The following MYCBPAP variants were observed in gnomAD, a reference collection of about 807,000 sequenced individuals.
MYCBPAP encodes the protein MYCBP-associated protein.
In MYCBPAP, 60 loss-of-function variants were observed where a neutral mutation model predicts 106.1. That is an observed-to-expected ratio of 0.57 (90% confidence interval 0.46 to 0.70). MYCBPAP has a LOEUF of 0.70. MYCBPAP is among the 30% of genes least tolerant of loss of function. The probability of loss-of-function intolerance (pLI) is 0.00; values close to 1 mark genes in which losing one functional copy is unlikely to be tolerated. For synonymous variants in MYCBPAP, 407 were observed against 440.6 expected, an observed-to-expected ratio of 0.92 and a Z score of 0.95; for missense variants, 1,064 against 1,169.3, an observed-to-expected ratio of 0.91 and a Z score of 1.31.
chr17:50,511,336 T>C (rs2033840670), intron 1 of MYCBPAP, among the ~76,000 whole-genome samples: 1 of 152,060 alleles, frequency 6.6e-6, no homozygotes, highest in Non-Finnish European at 1.5e-5. Context: ...CCCACCGCTG[T>C]CTTGTTGCTA....
chr17:50,516,714 A>C lies in MYCBPAP; in HGVS notation c.204+17A>C. 1 of 1,613,262 alleles carries C rather than the reference A, an allele frequency of 6.2e-7. No individual in the cohort carries two copies. The highest frequency in any genetic ancestry group is 8.5e-7 in the Non-Finnish European group (1 of 1,179,626). On this transcript the variant is annotated intron_variant, in intron 2 of 18. Transcript: ENST00000323776. Reference sequence around the variant, plus strand: ...TTGAAGGAGGTGAGGATGAAGCCCAAGCTTCCCTTACCATAGAAACGTTTC... The same window carrying C: ...TTGAAGGAGGTGAGGATGAAGCCCACGCTTCCCTTACCATAGAAACGTTTC...
At chr17:50,514,155 T>C (rs1454054926) in intron 1 of MYCBPAP, among the ~76,000 whole-genome samples, 1 of 152,178 alleles carries the variant, frequency 6.6e-6, no homozygotes, top group Non-Finnish European at 1.5e-5. Flanking sequence ...TCTCAAAGTG[T>C]TGGGATTACA....
At chr17:50,508,344 G>GGGGGTCCTCGCC (rs1476614655), upstream of MYCBPAP, 1 of 482,322 alleles carries the variant, frequency 2.1e-6, no homozygotes, top group African/African-American at 2.1e-5. Flanking sequence ...CGCAACTCGC[G>GGGGGTCCTCGCC]GGGGTCCTCG....
At chr17:50,511,199 G>A (rs565502182) in intron 1 of MYCBPAP, among the ~76,000 whole-genome samples, 14 of 152,018 alleles carry the variant, frequency 9.2e-5, no homozygotes, top group Non-Finnish European at 2.1e-4. Context: ...AACCTTGTGC[G>A]ATGTTTCTCC....
In MYCBPAP at chr17:50,524,925, C is replaced by T; in HGVS notation, c.1684C>T (p.Gln562Ter). Reference protein sequence around the residue: ...EAVTVVREVLQELLMGVLTPE... With the variant: ...EAVTVVREVL ...AGTCACCGTCGTTCGCGAAGTGCTG[C>T]AGGAGCTGCTGATGGGGGTCTTGAC... Residue 562 changes from glutamine (Q) to a stop codon, truncating the protein, a stop_gained, in exon 13 of 19, where the codon CAG becomes TAG. Transcript: ENST00000323776. LOFTEE classifies it high-confidence loss of function. 1.9e-6 allele frequency: 3 copies of T among 1,614,070 alleles called. No homozygotes were observed. Among genetic ancestry groups the T allele is most frequent in the South Asian group, 2.2e-5 (2 of 91,092 alleles).
In MYCBPAP at chr17:50,508,554, C is replaced by T. The variant is rs975224038; in HGVS notation, c.-121C>T. 1.6e-5 allele frequency: 24 copies of T among 1,543,902 alleles called. No homozygotes were observed. The highest frequency in any genetic ancestry group is 2.0e-5 in the Non-Finnish European group (23 of 1,145,114). ...CCCAAGTTGATCGGTGGATGCGCGC[C>T]CCCGCGCGGGGCACCGGTTGCTGTG... On this transcript the variant is annotated 5_prime_UTR_variant, in exon 1 of 19. Coordinates refer to ENST00000323776, the MANE Select transcript of MYCBPAP (RefSeq NM_032133.6).
chr17:50,528,299 C>G, intron 16 of MYCBPAP, 29 bp downstream of exon 16: 1 of 1,524,384 alleles, frequency 6.6e-7, no homozygotes, highest in East Asian at 2.3e-5. Context: ...AACCACACCT[C>G]TGCATAGCCC....
In MYCBPAP at chr17:50,521,376, G is replaced by A; in HGVS notation, c.1093G>A (p.Asp365Asn). Residue 365 changes from aspartate (D) to asparagine (N), a missense_variant, in exon 9 of 19, where the codon GAC (aspartate) becomes AAC (asparagine). Asp to Asn is a conservative substitution (Grantham distance 23). Transcript: ENST00000323776. ...GCCCTTCTCGGCTGTTACTGTGGAAGACTACACAGTGTTTGAAAGAAGTCA... is the reference window on the plus strand; with the variant it reads ...GCCCTTCTCGGCTGTTACTGTGGAAAACTACACAGTGTTTGAAAGAAGTCA... ...GWPFSAVTVE[D>N]YTVFERSQGS... 4 of 1,605,926 alleles carry A rather than the reference G, an allele frequency of 2.5e-6. No homozygotes were observed. Among genetic ancestry groups the A allele is most frequent in the Non-Finnish European group, 3.4e-6 (4 of 1,175,818 alleles).
Position 50,517,423 on chromosome 17 carries a change from A to T in MYCBPAP, c.335A>T (p.Asp112Val), listed in dbSNP as rs149804358. 208 of 1,614,180 alleles carry T rather than the reference A, an allele frequency of 1.3e-4. 2 individuals are homozygous for T. The African/African-American group carries it at 2.6e-3, about 20-fold the overall frequency. ...CTTGTAGCACGTCCTGCGAATCCTGATGAAGCCACAAAGCCTCTGGACTAC... is the reference window on the plus strand; with the variant it reads ...CTTGTAGCACGTCCTGCGAATCCTGTTGAAGCCACAAAGCCTCTGGACTAC... The part of the protein sequence containing the change: ...CHLVARPANP[D>V]EATKPLDYSG... Residue 112 changes from aspartate (D) to valine (V), a missense_variant, in exon 3 of 19, where the codon GAT becomes GTT. Physicochemically the swap from Asp to Val is radical, Grantham distance 152 (BLOSUM62 -3). Coordinates refer to ENST00000323776, the MANE Select transcript of MYCBPAP (RefSeq NM_032133.6).
chr17:50,522,844 T>C, intron 10 of MYCBPAP, 95 bp from the exon 11 acceptor site: 1 of 1,284,638 alleles, frequency 7.8e-7, no homozygotes, highest in African/African-American at 1.5e-5. Context: ...AGACTTGCAG[T>C]GCTAAAGCCA....
Position 50,528,823 on chromosome 17 carries a change from A to C in MYCBPAP, c.2536A>C (p.Lys846Gln). The C allele has an allele frequency of 6.2e-7, 1 of 1,613,750 alleles. No homozygotes were observed. The highest frequency in any genetic ancestry group is 8.5e-7 in the Non-Finnish European group (1 of 1,180,026). Residue 846 changes from lysine to glutamine, a missense_variant, in exon 17 of 19, where the codon AAG becomes CAG. Physicochemically the swap from Lys to Gln is moderately conservative, Grantham distance 53 (BLOSUM62 1). Coordinates refer to ENST00000323776, the MANE Select transcript of MYCBPAP (RefSeq NM_032133.6). ...AGACAAAGAAGACAAGAAAGGAGCC[A>C]AGCTGCTCGGGAAAGAGGCATGCTG... ...IKDKEDKKGA[K>Q]LLGKEDRPNS...
At chr17:50,513,218 CAA>C (rs1190873215) in intron 1 of MYCBPAP, among the ~76,000 whole-genome samples, 127 of 62,694 alleles carry the variant, frequency 2.0e-3, no homozygotes, top group African/African-American at 7.0e-3. Context: ...AACTCCATCT[CAA>C]AAAAAAAAAA....
chr17:50,513,958 C>T (rs2033950996), intron 1 of MYCBPAP, among the ~76,000 whole-genome samples: 1 of 152,210 alleles, frequency 6.6e-6, no homozygotes, highest in Non-Finnish European at 1.5e-5. Flanking sequence ...TGCACAGAGC[C>T]ATGCATTTAA....
Position 50,527,295 on chromosome 17 carries a change from G to A in MYCBPAP, c.2178G>A (p.Met726Ile). Residue 726 changes from methionine to isoleucine, a missense_variant, in exon 15 of 19, where the codon ATG (methionine) becomes ATA (isoleucine). By Grantham distance (10) the Met-to-Ile change is conservative (BLOSUM62 1). Coordinates refer to ENST00000323776, the MANE Select transcript of MYCBPAP (RefSeq NM_032133.6). ...GCCCATGACCCTGCCAGGCAGTGATGGTGCTCCCTGATGAGAACCACAGAG... is the reference window on the plus strand; with the variant it reads ...GCCCATGACCCTGCCAGGCAGTGATAGTGCTCCCTGATGAGAACCACAGAG... ...LCLEDFRKAV[M>I]VLPDENHRED... 6.2e-7 allele frequency: 1 copy of A among 1,614,036 alleles called. No individual in the cohort carries two copies. The highest frequency in any genetic ancestry group is 8.5e-7 in the Non-Finnish European group (1 of 1,179,974).
chr17:50,508,960 T>C (rs888781410), intron 1 of MYCBPAP: 1 of 705,290 alleles, frequency 1.4e-6, no homozygotes, highest in East Asian at 2.7e-5. Context: ...GATGGGGACA[T>C]AGGAAGTGGG....
intron 1 of MYCBPAP, chr17:50,510,513 A>ATATATATATATATG: frequency 8.6e-6 from 1 of 115,966 alleles, no homozygotes; most frequent in Non-Finnish European, 1.7e-5. Context: ...ATATATATAT[A>ATATATATATATATG]TATATATATA....
intron 15 of MYCBPAP, among the ~76,000 whole-genome samples, chr17:50,527,697 C>G (rs898450): frequency 0.72 from 109,919 of 152,080 alleles, 40,108 homozygotes; most frequent in East Asian, 0.87. Context: ...AGGAAGAAGA[C>G]GGGGGGCAGA....
At position 50,523,104 on chromosome 17, in the gene MYCBPAP, C is replaced by T. The variant is rs2034336456; in HGVS notation, c.1423C>T (p.Arg475Ter). The change falls in exon 11 of 19, where the codon CGA becomes TGA. Residue 475 changes from arginine to a stop codon, truncating the protein, a stop_gained. Transcript: ENST00000323776. LOFTEE classifies it high-confidence loss of function. ...FQDLKKNRMQ[R>*]FYFDNREGVI... ...AGACCTTAAGAAAAACAGGATGCAG[C>T]GATTTTACTTTGACAACCGGGAAGG... 1.2e-6 allele frequency: 2 copies of T among 1,613,800 alleles called. No homozygotes were observed. The highest frequency in any genetic ancestry group is 1.1e-5 in the South Asian group (1 of 91,068).
chr17:50,524,499 G>A (rs2034384998), intron 12 of MYCBPAP, among the ~76,000 whole-genome samples: 1 of 152,116 alleles, frequency 6.6e-6, no homozygotes, highest in Non-Finnish European at 1.5e-5. Flanking sequence ...ACTCACTGAA[G>A]CCTGATGAAG....
Sources: gnomAD v4.1 joint callset for allele counts (sites outside exome capture counted in the v4.1 genomes callset) on GRCh38, gnomAD v4.1.1 for gene constraint, MANE v1.5 for transcripts, NCBI Gene and HGNC (gene_info 2026-07-23, HGNC 2026-07-21) for gene names.